The following HPS4 variants were observed in gnomAD, a reference collection of about 807,000 sequenced individuals.
The protein encoded by HPS4 is HPS4 biogenesis of lysosomal organelles complex 3 subunit 2.
In HPS4, 44 loss-of-function variants were observed where a neutral mutation model predicts 70.3. The ratio of observed to expected loss-of-function variants is 0.63; its 90% CI spans 0.49 to 0.80. The LOEUF is 0.80. Among genes scored for constraint, HPS4 ranks in the 30% least tolerant of loss-of-function variants. The probability of loss-of-function intolerance (pLI) is 0.00; values close to 1 mark genes in which losing one functional copy is unlikely to be tolerated. For synonymous variants in HPS4, 377 were observed against 355.9 expected, an observed-to-expected ratio of 1.06 and a Z score of -0.67; for missense variants, 873 against 884.4, an observed-to-expected ratio of 0.99 and a Z score of 0.16.
intron 3 of HPS4, among the ~76,000 whole-genome samples, chr22:26,477,379 A>T (rs369746745): frequency 6.6e-6 from 1 of 152,182 alleles, no homozygotes; most frequent in African/African-American, 2.4e-5. Flanking sequence ...AAGTTTGCCA[A>T]CCCCTACCTG....
rs372027593 is a variant in HPS4 at position 26,464,235 on chromosome 22, G to T, written c.1395C>A (p.Thr465=). 3 of 1,614,078 alleles carry T rather than the reference G, an allele frequency of 1.9e-6. No homozygotes were observed. Among genetic ancestry groups the T allele is most frequent in the Non-Finnish European group, 2.5e-6 (3 of 1,180,056 alleles). Residue 465 remains threonine, a synonymous_variant, in exon 11 of 14, where the codon ACC becomes ACA. Transcript: ENST00000398145. ...AGCGAGGCAATAACAAGGGCCTGCG[G>T]GTCCTTCTGGGGAGAGGGTCTGCTC... ...IPRADPLPRR[T]RRPLLLPRLD...
intron 3 of HPS4, 22 bp from the exon 4 acceptor site, chr22:26,477,158 C>T: frequency 6.2e-7 from 1 of 1,613,998 alleles, no homozygotes; most frequent in Non-Finnish European, 8.5e-7. Context: ...GAGCACATTC[C>T]AGATAGGAAG....
In HPS4 at chr22:26,451,983, G is replaced by A. The variant is rs7291576; in HGVS notation, c.*1250C>T. On this transcript the variant is annotated 3_prime_UTR_variant, in exon 14 of 14. Coordinates refer to ENST00000398145, the MANE Select transcript of HPS4 (RefSeq NM_022081.6). ...GGAAGGAAAAGAGGGATGCGCCCAC[G>A]TTACGCGCGCGCGCGCGCGCGCACA... The A allele has an allele frequency of 0.016, 1,330 of 85,598 alleles. 25 individuals carry two copies. Among genetic ancestry groups the A allele is most frequent in the African/African-American group, 0.064 (1,264 of 19,838 alleles). 5.3% of individuals were successfully genotyped at this position (85,598 alleles called of 1,614,324 possible). A position where few individuals can be genotyped will look rare whatever the true frequency, so the allele number is the denominator to read the frequency against.
downstream of HPS4, among the ~76,000 whole-genome samples, chr22:26,450,204 A>T (rs1164523774): frequency 5.9e-5 from 9 of 152,122 alleles, no homozygotes; most frequent in African/African-American, 2.2e-4. Context: ...GGTTCTGGGG[A>T]TTGGGACCTG....
downstream of HPS4, chr22:26,443,518 T>C: frequency 4.5e-6 from 1 of 222,412 alleles, no homozygotes; most frequent in Non-Finnish European, 8.8e-6. Flanking sequence ...CCCTTGTAAG[T>C]CTGTCTTCTG....
intron 11 of HPS4, among the ~76,000 whole-genome samples, chr22:26,459,059 T>C (rs1367822635): frequency 2.6e-5 from 4 of 152,218 alleles, no homozygotes; most frequent in Non-Finnish European, 5.9e-5. Flanking sequence ...TAACCATGGC[T>C]TTCCTACCCA....
At chr22:26,450,874 T>C (rs2085131852), downstream of HPS4, among the ~76,000 whole-genome samples, 1 of 152,228 alleles carries the variant, frequency 6.6e-6, no homozygotes, top group Non-Finnish European at 1.5e-5. Flanking sequence ...GTGAGTCAGT[T>C]AAACCTCTTT....
At chr22:26,447,548 A>C (rs1343813296), downstream of HPS4, among the ~76,000 whole-genome samples, 2 of 152,084 alleles carry the variant, frequency 1.3e-5, no homozygotes, top group Non-Finnish European at 2.9e-5. Flanking sequence ...TGCTCCATAC[A>C]CATTGTCAGG....
chr22:26,464,636 C>T lies in HPS4; in HGVS notation c.994G>A (p.Asp332Asn). The change falls in exon 11 of 14, where the codon GAT (aspartate) becomes AAT (asparagine). Residue 332 changes from aspartate (D) to asparagine (N), a missense_variant. Transcript: ENST00000398145. ...CCTGCGGGCCTGATGCTCTCCAGATCATGGCCAGACAAGCATCCGTTCTCC... is the reference window on the plus strand; with the variant it reads ...CCTGCGGGCCTGATGCTCTCCAGATTATGGCCAGACAAGCATCCGTTCTCC... Reference protein sequence around the residue: ...RKENGCLSGHDLESIRPAGLH... With the variant: ...RKENGCLSGHNLESIRPAGLH... 6.2e-7 allele frequency: 1 copy of T among 1,613,740 alleles called. No homozygotes were observed. Among genetic ancestry groups the T allele is most frequent in the East Asian group, 2.2e-5 (1 of 44,874 alleles).
intron 2 of HPS4, 45 bp downstream of exon 2, chr22:26,481,677 C>A: frequency 1.9e-6 from 3 of 1,591,738 alleles, no homozygotes; most frequent in African/African-American, 2.7e-5. Flanking sequence ...AAACTCTAAC[C>A]AACAGCCCAG....
chr22:26,472,889 C>G lies in HPS4; in HGVS notation c.327G>C (p.Leu109=), dbSNP rs1472563974. Residue 109 remains leucine (L), a synonymous_variant, in exon 5 of 14, where the codon CTG becomes CTC. Coordinates refer to ENST00000398145, the MANE Select transcript of HPS4 (RefSeq NM_022081.6). ...AATTAAAGAATCCAACTAGCTGATC[C>G]AGAAACCGCTTGCAGCTGACATCAG... ...ELPDVSCKRF[L]DQLVGFFNFY... is the part of the protein sequence containing the mutation. 6 of 1,614,090 alleles carry G rather than the reference C, an allele frequency of 3.7e-6. No individual in the cohort carries two copies. The African/African-American group carries it at 6.7e-5, about 18-fold the overall frequency.
chr22:26,480,002 G>A (rs994377237), intron 2 of HPS4, among the ~76,000 whole-genome samples: 4 of 152,104 alleles, frequency 2.6e-5, no homozygotes, highest in Admixed American at 6.5e-5. Context: ...CTCATTAACC[G>A]TCTCCTGATT....
Position 26,452,939 on chromosome 22 carries a change from T to A in HPS4, c.*294A>T, listed in dbSNP as rs762469062. 2.5e-6 allele frequency: 1 copy of A among 404,482 alleles called. No homozygotes were observed. The highest frequency in any genetic ancestry group is 4.6e-6 in the Non-Finnish European group (1 of 217,600). The allele number at this position is 404,482 out of a possible 1,614,324, so 25.1% of individuals were successfully genotyped here. A position where few individuals can be genotyped will look rare whatever the true frequency, so the allele number is the denominator to read the frequency against. On this transcript the variant is annotated 3_prime_UTR_variant, in exon 14 of 14. Coordinates refer to ENST00000398145, the MANE Select transcript of HPS4 (RefSeq NM_022081.6). Reference sequence around the variant, plus strand: ...AGCTGGGATGGAACAGCAGGAGATATGAAATACCTCAGGCTCAGTATGGCA... The same window carrying A: ...AGCTGGGATGGAACAGCAGGAGATAAGAAATACCTCAGGCTCAGTATGGCA...
Position 26,476,681 on chromosome 22 carries a change from G to C in HPS4, c.276+312C>G, listed in dbSNP as rs111245536. 3 of 356,580 alleles carry C rather than the reference G, an allele frequency of 8.4e-6. No homozygotes were observed. The East Asian group carries it at 2.0e-4, about 24-fold the overall frequency. The allele number at this position is 356,580 out of a possible 1,614,324, so 22.1% of individuals were successfully genotyped here. ...TTACCCAGTAAGTGTAGAGAGCATG[G>C]AGAAGAAAAGATGATGATAAAAACT... On this transcript the variant is annotated intron_variant, in intron 4 of 13. Coordinates refer to ENST00000398145, the MANE Select transcript of HPS4 (RefSeq NM_022081.6).
rs1569086709 is a variant in HPS4 at position 26,468,641 on chromosome 22, G to C, written c.597-18C>G. 2 of 1,610,096 alleles carry C rather than the reference G, an allele frequency of 1.2e-6. No homozygotes were observed. The highest frequency in any genetic ancestry group is 1.7e-5 in the Admixed American group (1 of 59,996). ...TGACAATCCTAGGAGGTCACACACA[G>C]AACAAGAACACCATGAGACGAAATA... is the stretch of plus-strand genomic sequence containing the variant. On this transcript the variant is annotated intron_variant, in intron 7 of 13. Transcript: ENST00000398145.
intron 13 of HPS4, among the ~76,000 whole-genome samples, chr22:26,454,275 G>C (rs1313951702): frequency 3.3e-5 from 5 of 152,184 alleles, no homozygotes; most frequent in Non-Finnish European, 5.9e-5. Context: ...CTGTGGGAGG[G>C]CTCCGAGGCC....
intron 9 of HPS4, 140 bp downstream of exon 9, chr22:26,466,086 C>T (rs759828449): frequency 1.3e-6 from 2 of 1,586,862 alleles, no homozygotes; most frequent in Non-Finnish European, 1.7e-6. Context: ...ATTCTTGAAG[C>T]TCCATAACAT....
intron 11 of HPS4, 81 bp from the exon 12 acceptor site, chr22:26,458,658 TAA>T: frequency 2.1e-6 from 3 of 1,433,110 alleles, no homozygotes; most frequent in Non-Finnish European, 2.8e-6. Context: ...CAGACTTAGT[TAA>T]AAAAAAAATC....
intron 11 of HPS4, among the ~76,000 whole-genome samples, chr22:26,462,393 G>A (rs1373869935): frequency 6.6e-6 from 1 of 152,228 alleles, no homozygotes; most frequent in African/African-American, 2.4e-5. Flanking sequence ...AGGCTGGGGT[G>A]GGGAACCAGA....
Sources: gnomAD v4.1 joint callset for allele counts (sites outside exome capture counted in the v4.1 genomes callset) on GRCh38, gnomAD v4.1.1 for gene constraint, MANE v1.5 for transcripts, NCBI Gene and HGNC (gene_info 2026-07-23, HGNC 2026-07-21) for gene names.